Variants in TMEM132C observed in about 807,000 individuals in gnomAD.
TMEM132C encodes the protein transmembrane protein 132C, also known as protein phosphatase 1, regulatory subunit 152.
TMEM132C carries 29 observed loss-of-function variants against 61.4 expected under a neutral mutation model. That is an observed-to-expected ratio of 0.47 (90% CI 0.35 to 0.64). The LOEUF (loss-of-function observed/expected upper bound fraction) is 0.64, where lower values mean the gene tolerates loss of function less well. TMEM132C is among the 30% of genes least tolerant of loss of function. TMEM132C has a pLI of 0.00. For synonymous variants in TMEM132C, 656 were observed against 633.1 expected (o/e 1.04, Z -0.54); for missense variants, 1,408 against 1,476.9 (o/e 0.95, Z 0.76).
intron 4 of TMEM132C, among the ~76,000 whole-genome samples, chr12:128,662,650 G>A (rs1027285966): frequency 1.3e-5 from 2 of 152,178 alleles, no homozygotes; most frequent in Admixed American, 6.5e-5. Flanking sequence ...ATAGACTAAG[G>A]ATAACACAAC....
At chr12:128,281,009 C>T (rs1301561863) in intron 1 of TMEM132C, among the ~76,000 whole-genome samples, 4 of 152,120 alleles carry the variant, frequency 2.6e-5, no homozygotes, top group African/African-American at 9.7e-5. Flanking sequence ...CCTACATCTC[C>T]AGCTTTGAGA....
At chr12:128,586,500 C>T (rs1875554610) in intron 3 of TMEM132C, among the ~76,000 whole-genome samples, 1 of 152,050 alleles carries the variant, frequency 6.6e-6, no homozygotes, top group African/African-American at 2.4e-5. Flanking sequence ...TTATTAACTA[C>T]AGGGGGAAAT....
At chr12:128,418,547 G>A (rs570408082) in intron 2 of TMEM132C, among the ~76,000 whole-genome samples, 8 of 152,056 alleles carry the variant, frequency 5.3e-5, no homozygotes, top group South Asian at 2.1e-4. Flanking sequence ...ACAAATTAAC[G>A]TTTTATGTTT....
At chr12:128,533,948 T>TACACACACACACAC (rs55794743) in intron 2 of TMEM132C, among the ~76,000 whole-genome samples, 2 of 145,676 alleles carry the variant, frequency 1.4e-5, no homozygotes, top group African/African-American at 5.1e-5. Context: ...CATGCGCACA[T>TACACACACACACAC]ACACACACAC....
intron 2 of TMEM132C, among the ~76,000 whole-genome samples, chr12:128,426,834 A>T (rs1330345789): frequency 6.6e-6 from 1 of 152,208 alleles, no homozygotes; most frequent in Non-Finnish European, 1.5e-5. Context: ...ACAGAAAGGA[A>T]CCAGAGGCTT....
intron 1 of TMEM132C, among the ~76,000 whole-genome samples, chr12:128,366,339 C>T (rs962982821): frequency 2.2e-4 from 33 of 152,224 alleles, no homozygotes; most frequent in African/African-American, 8.0e-4. Flanking sequence ...TTCCCCCCAG[C>T]GTGGACAACT....
chr12:128,378,245 G>T (rs58319591), intron 1 of TMEM132C, among the ~76,000 whole-genome samples: 2 of 152,012 alleles, frequency 1.3e-5, no homozygotes, highest in African/African-American at 4.8e-5. Flanking sequence ...CTCCCGAGTA[G>T]CTGGGACTAC....
intron 2 of TMEM132C, among the ~76,000 whole-genome samples, chr12:128,532,084 G>A (rs936932415): frequency 8.5e-5 from 13 of 152,358 alleles, no homozygotes; most frequent in Admixed American, 2.0e-4. Context: ...AAGGAAAAGT[G>A]TATTTTAAAT....
At position 128,387,652 on chromosome 12, in the gene TMEM132C, A is replaced by T. The variant is rs142887186; in HGVS notation, c.86-27080A>T. Among the ~76,000 whole-genome samples the T allele has an allele frequency of 2.6e-3, 395 of 152,270 alleles. 1 individual carries two copies. Among genetic ancestry groups the T allele is most frequent in the African/African-American group, 7.6e-3 (314 of 41,550 alleles). ...CGATGAAACCCCGTCTCTGCTAAAA[A>T]TACAAAAATTAGCTGGGCATGGTGG... On this transcript the variant is annotated intron_variant, in intron 1 of 8. Transcript: ENST00000435159.
intron 1 of TMEM132C, among the ~76,000 whole-genome samples, chr12:128,310,364 TAAG>T (rs1010094097): frequency 3.9e-5 from 6 of 152,164 alleles, no homozygotes; most frequent in Non-Finnish European, 8.8e-5. Context: ...GGGTAATTTA[TAAG>T]AAGAGAGGCT....
At chr12:128,600,774 C>A (rs1876156839) in intron 3 of TMEM132C, among the ~76,000 whole-genome samples, 2 of 152,202 alleles carry the variant, frequency 1.3e-5, no homozygotes, top group Non-Finnish European at 2.9e-5. Context: ...TGCACCTCTC[C>A]CACTGTGCCT....
intron 1 of TMEM132C, among the ~76,000 whole-genome samples, chr12:128,394,175 A>G (rs1874862897): frequency 6.6e-6 from 1 of 152,200 alleles, no homozygotes; most frequent in Non-Finnish European, 1.5e-5. Flanking sequence ...AAAAACCATC[A>G]GATCTCATGA....
intron 3 of TMEM132C, among the ~76,000 whole-genome samples, chr12:128,545,616 G>A (rs1397655887): frequency 8.5e-5 from 13 of 152,168 alleles, no homozygotes; most frequent in South Asian, 2.1e-4. Flanking sequence ...TGTCTCCAGC[G>A]TCTGTTATTT....
chr12:128,285,073 G>A (rs1416962473), intron 1 of TMEM132C, among the ~76,000 whole-genome samples: 1 of 152,180 alleles, frequency 6.6e-6, no homozygotes, highest in Non-Finnish European at 1.5e-5. Context: ...ACCTTCAGAG[G>A]TGGAGGTTGA....
chr12:128,595,587 G>A (rs1704173343), intron 3 of TMEM132C, among the ~76,000 whole-genome samples: 1 of 152,190 alleles, frequency 6.6e-6, no homozygotes, highest in Non-Finnish European at 1.5e-5. Context: ...AGAGGAGGAG[G>A]CCACGGGATT....
chr12:128,540,019 A>T (rs1017342994), intron 2 of TMEM132C, among the ~76,000 whole-genome samples: 1 of 152,006 alleles, frequency 6.6e-6, no homozygotes, highest in Non-Finnish European at 1.5e-5. Context: ...CCTCAAAGCC[A>T]TCCTCTTAAT....
intron 1 of TMEM132C, among the ~76,000 whole-genome samples, chr12:128,337,956 C>T (rs1439297977): frequency 6.6e-6 from 1 of 152,126 alleles, no homozygotes; most frequent in East Asian, 1.9e-4. Flanking sequence ...ATTCCAACAC[C>T]CCAGGGAACA....
At chr12:128,315,766 C>T (rs1278023043) in intron 1 of TMEM132C, among the ~76,000 whole-genome samples, 2 of 151,882 alleles carry the variant, frequency 1.3e-5, no homozygotes. Context: ...TGACTGGGGT[C>T]CTTATGAGAA....
chr12:128,403,218 C>A (rs1875229916), intron 1 of TMEM132C, among the ~76,000 whole-genome samples: 1 of 152,180 alleles, frequency 6.6e-6, no homozygotes, highest in South Asian at 2.1e-4. Context: ...GTTAATAAAT[C>A]ACCAATGGAG....
Sources: allele counts gnomAD v4.1 joint callset (sites outside exome capture counted in the v4.1 genomes callset), GRCh38; gene constraint gnomAD v4.1.1; transcripts MANE v1.5; gene names NCBI Gene and HGNC (gene_info 2026-07-23, HGNC 2026-07-21).